Variants in PHACTR1 observed in about 807,000 individuals in gnomAD.
PHACTR1 encodes phosphatase and actin regulator 1.
PHACTR1 carries 16 observed loss-of-function variants against 69.2 expected under a neutral mutation model. The observed-to-expected ratio is 0.23, with a 90% CI of 0.16 to 0.35. The LOEUF (loss-of-function observed/expected upper bound fraction) is 0.35. PHACTR1 is among the 10% of genes least tolerant of loss of function. PHACTR1 has a pLI of 1.00. For synonymous variants in PHACTR1, 312 were observed against 284.5 expected, an observed-to-expected ratio of 1.10 and a Z score of -0.97; for missense variants, 510 against 734.7, an observed-to-expected ratio of 0.69 and a Z score of 3.54.
rs552030083 is a variant in PHACTR1 at position 12,745,556 on chromosome 6, G to A, written c.104-4088G>A. ...TGGGTGTTGTCACATGATGGAAACA[G>A]CATGAGGGGGAAAAATAGATTCTAA... is the stretch of plus-strand genomic sequence containing the variant. On this transcript the variant is annotated intron_variant, in intron 3 of 14. Coordinates refer to ENST00000332995, the MANE Select transcript of PHACTR1 (RefSeq NM_030948.6). 5.9e-5 allele frequency among the ~76,000 whole-genome samples: 9 copies of A among 152,202 alleles called. No individual in the cohort carries two copies. In the South Asian group the frequency reaches 1.9e-3, roughly 32 times the overall value.
intron 8 of PHACTR1, among the ~76,000 whole-genome samples, chr6:13,225,211 T>G (rs1769405516): frequency 6.6e-6 from 1 of 152,234 alleles, no homozygotes; most frequent in South Asian, 2.1e-4. Flanking sequence ...TGGATATTTA[T>G]TAATAGAATG....
chr6:12,869,086 GCC>G, intron 4 of PHACTR1, among the ~76,000 whole-genome samples: 1 of 152,140 alleles, frequency 6.6e-6, no homozygotes, highest in African/African-American at 2.4e-5. Context: ...GCCACCCACA[GCC>G]TCCTAATCTG....
At chr6:13,281,884 C>T (rs1780336839) in intron 12 of PHACTR1, among the ~76,000 whole-genome samples, 1 of 152,198 alleles carries the variant, frequency 6.6e-6, no homozygotes, top group Admixed American at 6.5e-5. Context: ...CAAGGGAGGC[C>T]TACATGCAGT....
At position 13,044,560 on chromosome 6, in the gene PHACTR1, C is replaced by T. The variant is rs539563281; in HGVS notation, c.251-8805C>T. Among the ~76,000 whole-genome samples the T allele has an allele frequency of 4.3e-4, 65 of 152,190 alleles. 3 individuals are homozygous for T. In the South Asian group the frequency reaches 7.1e-3, roughly 17 times the overall value. On this transcript the variant is annotated intron_variant, in intron 4 of 14. Coordinates refer to ENST00000332995, the MANE Select transcript of PHACTR1 (RefSeq NM_030948.6). Reference sequence around the variant, plus strand: ...CACTGGGTCACATGCCCACCTCTGGCGTCAGGACGGAGATGAACTTCCTGA... The same window carrying T: ...CACTGGGTCACATGCCCACCTCTGGTGTCAGGACGGAGATGAACTTCCTGA...
At chr6:12,971,157 G>A (rs528905127) in intron 4 of PHACTR1, among the ~76,000 whole-genome samples, 3 of 152,268 alleles carry the variant, frequency 2.0e-5, no homozygotes, top group East Asian at 3.9e-4. Context: ...ATGTCCCAGG[G>A]CTGAGCAGCA....
chr6:13,281,589 T>C (rs1359075656), intron 12 of PHACTR1: 1 of 178,600 alleles, frequency 5.6e-6, no homozygotes, highest in Non-Finnish European at 1.2e-5. Context: ...AAAATAACAC[T>C]TTGTCTGGCC....
At chr6:13,062,551 C>T (rs1807831219) in intron 5 of PHACTR1, among the ~76,000 whole-genome samples, 2 of 152,098 alleles carry the variant, frequency 1.3e-5, no homozygotes, top group African/African-American at 4.8e-5. Flanking sequence ...ATAGTCAAGG[C>T]AGTCTACACT....
chr6:12,854,054 G>A (rs972071298), intron 4 of PHACTR1, among the ~76,000 whole-genome samples: 1 of 152,160 alleles, frequency 6.6e-6, no homozygotes, highest in Admixed American at 6.5e-5. Context: ...GACAACCCCA[G>A]GTGACTGGGT....
At chr6:12,730,448 T>C (rs951027579) in intron 3 of PHACTR1, among the ~76,000 whole-genome samples, 9 of 149,458 alleles carry the variant, frequency 6.0e-5, no homozygotes, top group Non-Finnish European at 3.0e-5. Flanking sequence ...TTAACACTTA[T>C]AAGGTCATTT....
intron 4 of PHACTR1, among the ~76,000 whole-genome samples, chr6:13,022,413 G>A (rs1801106534): frequency 6.6e-6 from 1 of 152,180 alleles, no homozygotes; most frequent in Non-Finnish European, 1.5e-5. Context: ...TATGTTTGTA[G>A]GTTGAGAATG....
intron 7 of PHACTR1, among the ~76,000 whole-genome samples, chr6:13,203,056 C>T (rs901305667): frequency 2.6e-5 from 4 of 152,234 alleles, no homozygotes; most frequent in Non-Finnish European, 5.9e-5. Context: ...TTCTGTGTCT[C>T]AGCGGTAGGA....
intron 4 of PHACTR1, among the ~76,000 whole-genome samples, chr6:12,822,872 T>A (rs2127714420): frequency 6.6e-6 from 1 of 152,288 alleles, no homozygotes; most frequent in African/African-American, 2.4e-5. Context: ...CAGAGAAAGT[T>A]TGCAAGAGAG....
intron 4 of PHACTR1, among the ~76,000 whole-genome samples, chr6:12,925,655 G>A (rs1449483862): frequency 6.6e-6 from 1 of 152,166 alleles, no homozygotes; most frequent in African/African-American, 2.4e-5. Flanking sequence ...TTTGGCTGGT[G>A]ACTAAATGCA....
intron 4 of PHACTR1, among the ~76,000 whole-genome samples, chr6:13,052,461 T>C (rs7775901): frequency 0.85 from 129,828 of 152,246 alleles, 55,704 homozygotes; most frequent in East Asian, 0.99. Flanking sequence ...CCTTCCATGC[T>C]CTCAATTTTG....
At chr6:12,924,808 A>G (rs1562017175) in intron 4 of PHACTR1, among the ~76,000 whole-genome samples, 2 of 152,076 alleles carry the variant, frequency 1.3e-5, no homozygotes, top group Non-Finnish European at 1.5e-5. Context: ...AAACTATAGT[A>G]AGTAATCATT....
intron 5 of PHACTR1, among the ~76,000 whole-genome samples, chr6:13,125,355 T>C (rs907690579): frequency 6.6e-6 from 1 of 151,678 alleles, no homozygotes; most frequent in Non-Finnish European, 1.5e-5. Flanking sequence ...GTAGTCTTTC[T>C]ATTGCACTGG....
chr6:12,805,077 G>C (rs975746528), intron 4 of PHACTR1, among the ~76,000 whole-genome samples: 11 of 152,032 alleles, frequency 7.2e-5, no homozygotes, highest in Non-Finnish European at 7.4e-5. Context: ...TGGGTTGCTG[G>C]GATTTGGCTT....
At chr6:13,028,000 G>A (rs1801946593) in intron 4 of PHACTR1, among the ~76,000 whole-genome samples, 1 of 152,184 alleles carries the variant, frequency 6.6e-6, no homozygotes, top group Admixed American at 6.5e-5. Flanking sequence ...ACACTAGGGT[G>A]GAAAACTGAG....
At chr6:13,083,739 C>T (rs994938369) in intron 5 of PHACTR1, among the ~76,000 whole-genome samples, 5 of 152,002 alleles carry the variant, frequency 3.3e-5, no homozygotes, top group African/African-American at 4.8e-5. Flanking sequence ...TGATTTGGCT[C>T]TCTGTTTGTC....
Sources: allele counts gnomAD v4.1 joint callset (sites outside exome capture counted in the v4.1 genomes callset), GRCh38; gene constraint gnomAD v4.1.1; transcripts MANE v1.5; gene names NCBI Gene and HGNC (gene_info 2026-07-23, HGNC 2026-07-21).